DOCK4: variants seen among roughly 807,000 people sequenced by gnomAD.
DOCK4 encodes the protein dedicator of cytokinesis 4.
A neutral mutation model predicts 268.1 loss-of-function variants in DOCK4; 97 were observed. That is an observed-to-expected ratio of 0.36 (90% CI 0.31 to 0.43). DOCK4 has a LOEUF of 0.43. Ranked by LOEUF, DOCK4 falls within the 20% of genes least tolerant of loss-of-function variation. The pLI is 1.00. For missense variants in DOCK4, 2,145 were observed against 2,455.7 expected, an observed-to-expected ratio of 0.87 and a Z score of 2.67; for synonymous variants, 954 against 887.2, an observed-to-expected ratio of 1.08 and a Z score of -1.34.
intron 1 of DOCK4, among the ~76,000 whole-genome samples, chr7:112,015,224 C>G (rs576816669): frequency 1.3e-5 from 2 of 152,154 alleles, no homozygotes; most frequent in African/African-American, 2.4e-5. Context: ...CATTAGCATG[C>G]TAAAACACAC....
chr7:111,909,885 C>T (rs1276384205), intron 13 of DOCK4, among the ~76,000 whole-genome samples: 1 of 151,692 alleles, frequency 6.6e-6, no homozygotes, highest in Non-Finnish European at 1.5e-5. Flanking sequence ...TCACTTGAGC[C>T]CAGAAGGCTG....
chr7:111,790,562 G>A lies in DOCK4; in HGVS notation c.3210C>T (p.Phe1070=), dbSNP rs1325997624. 1 of 1,613,784 alleles carries A rather than the reference G, an allele frequency of 6.2e-7. No individual in the cohort carries two copies. Among genetic ancestry groups the A allele is most frequent in the Non-Finnish European group, 8.5e-7 (1 of 1,179,856 alleles). ...LHFIPALIGP[F]LEVTLIPQPD... is the part of the protein sequence containing the mutation. Reference sequence around the variant, plus strand: ...GCTGGGGTATCAAGGTCACTTCTAGGAAGGGGCCAATCAGGGCAGGGATAA... The same window carrying A: ...GCTGGGGTATCAAGGTCACTTCTAGAAAGGGGCCAATCAGGGCAGGGATAA... Residue 1070 remains phenylalanine, a synonymous_variant, in exon 31 of 53, where the codon TTC becomes TTT. Transcript: ENST00000428084.
At position 112,018,179 on chromosome 7, in the gene DOCK4, A is replaced by AAAAAAAAAAAAAAAAACAC; in HGVS notation, c.38-14049_38-14048insGTGTTTTTTTTTTTTTTTT. Among the ~76,000 whole-genome samples the AAAAAAAAAAAAAAAAACAC allele has an allele frequency of 1.8e-4, 13 of 72,630 alleles. 1 individual carries two copies. Among genetic ancestry groups the AAAAAAAAAAAAAAAAACAC allele is most frequent in the East Asian group, 8.1e-4 (2 of 2,480 alleles). The allele number at this position is 72,630 out of a possible 152,430, so 47.6% of individuals were successfully genotyped here. Reference sequence around the variant, plus strand: ...AAAAAAAAAAAAAAAAAAAAAAAAAAACACAGGCAACCAGTATTCATGTGG... The same window carrying AAAAAAAAAAAAAAAAACAC: ...AAAAAAAAAAAAAAAAAAAAAAAAAAAAAAAAAAAAAAAAAACACACACAGGCAACCAGTATTCATGTGG... On this transcript the variant is annotated intron_variant, in intron 1 of 52. Coordinates refer to ENST00000428084, the MANE Select transcript of DOCK4 (RefSeq NM_001363540.2).
At chr7:111,764,425 C>T (rs1249789825) in intron 39 of DOCK4, among the ~76,000 whole-genome samples, 1 of 152,142 alleles carries the variant, frequency 6.6e-6, no homozygotes, top group Non-Finnish European at 1.5e-5. Flanking sequence ...ATCCCAGATA[C>T]CTTTCCTTAG....
chr7:112,071,367 C>G (rs906982971), intron 1 of DOCK4, among the ~76,000 whole-genome samples: 2 of 152,020 alleles, frequency 1.3e-5, no homozygotes, highest in African/African-American at 4.8e-5. Context: ...TCCACAGCAC[C>G]TGGCAGAGTG....
chr7:111,982,036 C>A (rs750381387), intron 7 of DOCK4, among the ~76,000 whole-genome samples: 5 of 152,176 alleles, frequency 3.3e-5, no homozygotes, highest in Non-Finnish European at 7.3e-5. Context: ...CAACTAAATA[C>A]AGGGGTGTGC....
At chr7:112,107,100 T>C (rs245019) in intron 1 of DOCK4, among the ~76,000 whole-genome samples, 41,918 of 152,172 alleles carry the variant, frequency 0.28, 7,340 homozygotes, top group Non-Finnish European at 0.4. Context: ...GGGCATTATA[T>C]TAAGACTTAA....
chr7:111,871,037 C>T (rs866449006), intron 20 of DOCK4, among the ~76,000 whole-genome samples: 36 of 152,298 alleles, frequency 2.4e-4, no homozygotes, highest in Middle Eastern at 3.4e-3. Flanking sequence ...TTGGAGACGT[C>T]GATCTTAACC....
chr7:112,082,599 GA>G (rs1392459182), intron 1 of DOCK4, among the ~76,000 whole-genome samples: 2 of 152,128 alleles, frequency 1.3e-5, no homozygotes, highest in African/African-American at 4.8e-5. Context: ...AGCCTACAGA[GA>G]ATGTATTGTT....
intron 1 of DOCK4, among the ~76,000 whole-genome samples, chr7:112,081,880 A>G (rs1460614305): frequency 1.3e-5 from 2 of 152,186 alleles, no homozygotes; most frequent in Non-Finnish European, 2.9e-5. Flanking sequence ...AAGATCACAG[A>G]GTAATGCGCA....
chr7:112,171,051 T>C (rs1193555614), intron 1 of DOCK4, among the ~76,000 whole-genome samples: 1 of 152,178 alleles, frequency 6.6e-6, no homozygotes, highest in Admixed American at 6.5e-5. Context: ...CATCCACAAC[T>C]TATTTTCCAG....
At chr7:112,010,612 C>A (rs1801212315) in intron 1 of DOCK4, among the ~76,000 whole-genome samples, 1 of 152,180 alleles carries the variant, frequency 6.6e-6, no homozygotes, top group South Asian at 2.1e-4. Flanking sequence ...TGTTTGGGAT[C>A]TGCCTTCATC....
At position 112,133,298 on chromosome 7, in the gene DOCK4, G is replaced by A. The variant is rs149637533; in HGVS notation, c.37+72804C>T. 2.4e-3 allele frequency among the ~76,000 whole-genome samples: 367 copies of A among 152,288 alleles called. 4 individuals carry two copies. The highest frequency in any genetic ancestry group is 8.1e-3 in the African/African-American group (337 of 41,554). ...CAAAATAGAGTCCAGGGCTGATCGA[G>A]AGAGAATTTACTGTTCCACTCCACA... On this transcript the variant is annotated intron_variant, in intron 1 of 52. Coordinates refer to ENST00000428084, the MANE Select transcript of DOCK4 (RefSeq NM_001363540.2).
chr7:111,897,982 T>A (rs866813270), intron 15 of DOCK4, among the ~76,000 whole-genome samples: 1 of 152,270 alleles, frequency 6.6e-6, no homozygotes, highest in Non-Finnish European at 1.5e-5. Flanking sequence ...ACCATTACCA[T>A]CGTAATGCAG....
chr7:112,202,462 A>G lies in DOCK4; in HGVS notation c.37+3640T>C, dbSNP rs142229330. ...GTATACTTCAAAAGTGCTAGAATGG[A>G]TTTTAAATGTTTTTTACACCACAAA... On this transcript the variant is annotated intron_variant, in intron 1 of 52. Transcript: ENST00000428084. 4.4e-4 allele frequency among the ~76,000 whole-genome samples: 67 copies of G among 152,284 alleles called. 1 individual carries two copies. The East Asian group carries it at 0.013, about 29-fold the overall frequency.
At chr7:111,754,604 A>G (rs1375603991) in intron 42 of DOCK4, among the ~76,000 whole-genome samples, 1 of 152,250 alleles carries the variant, frequency 6.6e-6, no homozygotes, top group Non-Finnish European at 1.5e-5. Flanking sequence ...AAGTTAATAA[A>G]TGGCTATAAT....
At chr7:112,025,366 C>T (rs145896355) in intron 1 of DOCK4, among the ~76,000 whole-genome samples, 4 of 152,220 alleles carry the variant, frequency 2.6e-5, no homozygotes, top group East Asian at 1.9e-4. Flanking sequence ...ACCCAGCTTC[C>T]GATTTATACC....
intron 30 of DOCK4, among the ~76,000 whole-genome samples, chr7:111,803,659 C>A (rs1036459128): frequency 6.6e-6 from 1 of 152,136 alleles, no homozygotes; most frequent in Non-Finnish European, 1.5e-5. Context: ...AACACTGGAA[C>A]ATTCTAGTAA....
At chr7:112,184,977 A>G (rs1470891479) in intron 1 of DOCK4, among the ~76,000 whole-genome samples, 1 of 152,200 alleles carries the variant, frequency 6.6e-6, no homozygotes, top group Non-Finnish European at 1.5e-5. Flanking sequence ...TAATAATTGC[A>G]TGGTAGATAA....
Sources: gnomAD v4.1 joint callset for allele counts (sites outside exome capture counted in the v4.1 genomes callset) on GRCh38, gnomAD v4.1.1 for gene constraint, MANE v1.5 for transcripts, NCBI Gene and HGNC (gene_info 2026-07-23, HGNC 2026-07-21) for gene names.